The following HS6ST3 variants were observed in gnomAD, a reference collection of about 807,000 sequenced individuals.
HS6ST3 encodes the protein heparan-sulfate 6-O-sulfotransferase 3.
In HS6ST3, 12 loss-of-function variants were observed where a neutral mutation model predicts 36.7. The observed-to-expected ratio is 0.33, with a 90% confidence interval of 0.21 to 0.53. The LOEUF (loss-of-function observed/expected upper bound fraction) is 0.53. Ranked by LOEUF, HS6ST3 falls within the 20% of genes least tolerant of loss-of-function variation. The pLI is 0.95. For synonymous variants in HS6ST3, 240 were observed against 257.5 expected (o/e 0.93, Z 0.65); for missense variants, 584 against 640.9 (o/e 0.91, Z 0.96).
intron 1 of HS6ST3, among the ~76,000 whole-genome samples, chr13:96,725,397 C>T (rs1875977611): frequency 6.6e-6 from 1 of 151,998 alleles, no homozygotes; most frequent in Non-Finnish European, 1.5e-5. Context: ...TCATATTTTT[C>T]TTTTATGGAT....
In HS6ST3 at chr13:96,833,471, A is replaced by C. The variant is rs1594871046; in HGVS notation, c.*273A>C. 5 of 357,246 alleles carry C rather than the reference A, an allele frequency of 1.4e-5. No homozygotes were observed. The East Asian group carries it at 2.3e-4, about 17-fold the overall frequency. The allele number at this position is 357,246 out of a possible 1,614,324, so 22.1% of individuals were successfully genotyped here. ...AGAAGGCCAAGGAGAGCCACACCGA[A>C]AAAGGAGACAGTTCCTGTGATCTCC... On this transcript the variant is annotated 3_prime_UTR_variant, in exon 2 of 2. Transcript: ENST00000376705.
rs1555326624 is a variant in HS6ST3, at chr13:96,831,977, A to AAAAAAAAAAAAAAAAAAC, written c.708-510_708-509insAAAAAAAAAAAAAACAAA. ...CTCAAAAAAAAAAAAAAAAAAAAAAAAAACAGAGATTAAGGAGAATACATG... is the reference window on the plus strand; with the variant it reads ...CTCAAAAAAAAAAAAAAAAAAAAAAAAAAAAAAAAAAAAAAAACAAACAGAGATTAAGGAGAATACATG... On this transcript the variant is annotated intron_variant, in intron 1 of 1. Coordinates refer to ENST00000376705, the MANE Select transcript of HS6ST3 (RefSeq NM_153456.4). Among the ~76,000 whole-genome samples the AAAAAAAAAAAAAAAAAAC allele has an allele frequency of 2.6e-5, 3 of 115,978 alleles. 1 individual carries two copies. The highest frequency in any genetic ancestry group is 1.8e-4 in the Admixed American group (2 of 11,074). 76.1% of individuals were successfully genotyped at this position (115,978 alleles called of 152,430 possible).
chr13:96,472,796 GA>G (rs1306930990), intron 1 of HS6ST3, among the ~76,000 whole-genome samples: 1 of 152,162 alleles, frequency 6.6e-6, no homozygotes, highest in Non-Finnish European at 1.5e-5. Flanking sequence ...GGGAGGGAGA[GA>G]GGAAAGAAAG....
chr13:96,664,336 C>G (rs1217552215), intron 1 of HS6ST3, among the ~76,000 whole-genome samples: 2 of 152,074 alleles, frequency 1.3e-5, no homozygotes, highest in African/African-American at 4.8e-5. Flanking sequence ...TCATTGTTGC[C>G]ATTATCATCA....
intron 1 of HS6ST3, among the ~76,000 whole-genome samples, chr13:96,769,107 C>T (rs1269924936): frequency 4.6e-5 from 7 of 152,158 alleles, no homozygotes; most frequent in African/African-American, 7.2e-5. Flanking sequence ...TGTGCACGCA[C>T]GTGCCCCACC....
At chr13:96,812,615 C>T (rs1878340179) in intron 1 of HS6ST3, among the ~76,000 whole-genome samples, 1 of 152,174 alleles carries the variant, frequency 6.6e-6, no homozygotes, top group South Asian at 2.1e-4. Flanking sequence ...GGCAGTTTGC[C>T]TAACAATTAT....
chr13:96,361,486 C>G (rs1212034700), intron 1 of HS6ST3, among the ~76,000 whole-genome samples: 1 of 152,126 alleles, frequency 6.6e-6, no homozygotes, highest in Non-Finnish European at 1.5e-5. Context: ...TATCCTAATT[C>G]ACATCATTTA....
chr13:96,302,072 G>A (rs1475884318), intron 1 of HS6ST3, among the ~76,000 whole-genome samples: 1 of 151,762 alleles, frequency 6.6e-6, no homozygotes, highest in East Asian at 1.9e-4. Flanking sequence ...AGATTGGGTG[G>A]CAGTGGGGGT....
At chr13:96,332,897 G>A (rs2055079420) in intron 1 of HS6ST3, among the ~76,000 whole-genome samples, 1 of 152,188 alleles carries the variant, frequency 6.6e-6, no homozygotes, top group South Asian at 2.1e-4. Context: ...TTTTGGAGGT[G>A]ATTAAGTCAT....
chr13:96,493,440 TTTACG>T (rs1481427610), intron 1 of HS6ST3, among the ~76,000 whole-genome samples: 1 of 152,210 alleles, frequency 6.6e-6, no homozygotes, highest in Non-Finnish European at 1.5e-5. Context: ...TTTAGGAGGT[TTTACG>T]GGGTTTAAAG....
chr13:96,487,945 C>T (rs1020700007), intron 1 of HS6ST3, among the ~76,000 whole-genome samples: 2 of 152,132 alleles, frequency 1.3e-5, no homozygotes, highest in Non-Finnish European at 2.9e-5. Context: ...CTGTGTACCA[C>T]CTGAGACTGT....
intron 1 of HS6ST3, among the ~76,000 whole-genome samples, chr13:96,728,325 G>A (rs1390556424): frequency 6.6e-6 from 1 of 152,096 alleles, no homozygotes; most frequent in Admixed American, 6.5e-5. Context: ...CCTAACTTAT[G>A]TTAGACTCAT....
At chr13:96,625,545 A>G (rs2056509138) in intron 1 of HS6ST3, among the ~76,000 whole-genome samples, 1 of 152,160 alleles carries the variant, frequency 6.6e-6, no homozygotes, top group African/African-American at 2.4e-5. Context: ...AATTTTTCCA[A>G]TTAACACATT....
intron 1 of HS6ST3, among the ~76,000 whole-genome samples, chr13:96,104,174 G>A (rs140227901): frequency 6.6e-6 from 1 of 152,092 alleles, no homozygotes; most frequent in African/African-American, 2.4e-5. Flanking sequence ...ATTCATACTT[G>A]GTTTTGCAGT....
intron 1 of HS6ST3, among the ~76,000 whole-genome samples, chr13:96,503,233 C>CT (rs1322348070): frequency 6.6e-6 from 1 of 152,194 alleles, no homozygotes; most frequent in Admixed American, 6.5e-5. Context: ...CCTTCCTCTT[C>CT]TTTTTTTGTT....
chr13:96,765,299 C>T (rs1380971688), intron 1 of HS6ST3, among the ~76,000 whole-genome samples: 4 of 151,990 alleles, frequency 2.6e-5, no homozygotes, highest in Non-Finnish European at 4.4e-5. Flanking sequence ...GTCTCGATCT[C>T]CTGACCTCCT....
intron 1 of HS6ST3, among the ~76,000 whole-genome samples, chr13:96,618,692 G>A (rs1490127999): frequency 6.6e-6 from 1 of 152,158 alleles, no homozygotes; most frequent in Admixed American, 6.5e-5. Flanking sequence ...CATGGAAGAG[G>A]ACTGACAAGT....
chr13:96,776,234 A>G (rs1594857541), intron 1 of HS6ST3, among the ~76,000 whole-genome samples: 1 of 152,200 alleles, frequency 6.6e-6, no homozygotes, highest in East Asian at 1.9e-4. Context: ...CACAGGAGAA[A>G]GCAGAAAGAT....
chr13:96,257,303 G>A (rs1302267286), intron 1 of HS6ST3, among the ~76,000 whole-genome samples: 1 of 152,164 alleles, frequency 6.6e-6, no homozygotes, highest in African/African-American at 2.4e-5. Flanking sequence ...TTCCAGTCAA[G>A]TAATAACACC....
Sources: gnomAD v4.1 joint callset for allele counts (sites outside exome capture counted in the v4.1 genomes callset) on GRCh38, gnomAD v4.1.1 for gene constraint, MANE v1.5 for transcripts, NCBI Gene and HGNC (gene_info 2026-07-23, HGNC 2026-07-21) for gene names.